Variants in ZSCAN32 observed in about 807,000 individuals in gnomAD.
The protein encoded by ZSCAN32 is zinc finger and SCAN domain containing 32.
In ZSCAN32, 52 loss-of-function variants were observed where a neutral mutation model predicts 47.4. The observed-to-expected ratio is 1.10, with a 90% CI of 0.88 to 1.38. The LOEUF (loss-of-function observed/expected upper bound fraction) is 1.38, where lower values mean the gene tolerates loss of function less well. Ranked by LOEUF, ZSCAN32 falls within the 40% of genes most tolerant of loss-of-function variation. The probability of loss-of-function intolerance (pLI) is 0.00; values close to 1 mark genes in which losing one functional copy is unlikely to be tolerated. For synonymous variants in ZSCAN32, 346 were observed against 305.7 expected (o/e 1.13, Z -1.38); for missense variants, 959 against 846.0 (o/e 1.13, Z -1.66).
intron 2 of ZSCAN32, among the ~76,000 whole-genome samples, chr16:3,395,191 G>A (rs913744468): frequency 6.6e-6 from 1 of 152,126 alleles, no homozygotes; most frequent in African/African-American, 2.4e-5. Context: ...CACCCTTAAA[G>A]GGAATGAAGA....
chr16:3,399,833 T>G (rs2033721483), intron 1 of ZSCAN32, among the ~76,000 whole-genome samples: 1 of 152,256 alleles, frequency 6.6e-6, no homozygotes, highest in African/African-American at 2.4e-5. Flanking sequence ...CTCAAACTCC[T>G]GTGCTCAAGT....
In ZSCAN32 at chr16:3,383,379, A is replaced by G. The variant is rs773838763; in HGVS notation, c.1567T>C (p.Cys523Arg). The change falls in exon 7 of 7, where the codon TGT (cysteine) becomes CGT (arginine). Residue 523 changes from cysteine (C) to arginine (R), a missense_variant. Transcript: ENST00000396852. The stretch of plus-strand genomic sequence containing the variant: ...CTAAAGGTTTTCCCACATTCAGGAC[A>G]TTGAGATACTTTTTCCAGTTTGAGC... Reference protein sequence around the residue: ...PALKLEKVSQCPECGKTFSRS... With the variant: ...PALKLEKVSQRPECGKTFSRS... The G allele has an allele frequency of 4.3e-6, 7 of 1,614,224 alleles. No homozygotes were observed. The highest frequency in any genetic ancestry group is 5.9e-6 in the Non-Finnish European group (7 of 1,180,050).
Position 3,382,629 on chromosome 16 carries a change from C to A in ZSCAN32, c.*223G>T. On this transcript the variant is annotated 3_prime_UTR_variant, in exon 7 of 7. Transcript: ENST00000396852. ...GAATTTATGGATCCTACAGCTTTCTCTCCATCAAACTTTAAGTCACAGTAA... is the reference window on the plus strand; with the variant it reads ...GAATTTATGGATCCTACAGCTTTCTATCCATCAAACTTTAAGTCACAGTAA... The A allele has an allele frequency of 2.1e-6, 1 of 483,058 alleles. No individual in the cohort carries two copies. Among genetic ancestry groups the A allele is most frequent in the Non-Finnish European group, 3.4e-6 (1 of 296,864 alleles). 29.9% of individuals were successfully genotyped at this position (483,058 alleles called of 1,614,324 possible).
At chr16:3,395,210 G>A (rs2033254983) in intron 2 of ZSCAN32, among the ~76,000 whole-genome samples, 1 of 152,188 alleles carries the variant, frequency 6.6e-6, no homozygotes, top group African/African-American at 2.4e-5. Context: ...GAGAGGTACT[G>A]AGAGGCAAGT....
At position 3,397,471 on chromosome 16, in the gene ZSCAN32, G is replaced by A. The variant is rs1434411532; in HGVS notation, c.87C>T (p.Asn29=). The change falls in exon 2 of 7, where the codon AAC becomes AAT. Residue 29 remains asparagine (N), a synonymous_variant. Transcript: ENST00000396852. ...TQGQKSALQG[N]SPDSEASRQR... ...GACGGGAGGCCTCGGAGTCAGGGCT[G>A]TTACCCTGGAGGGCTGATTTCTGGC... 2.6e-6 allele frequency: 4 copies of A among 1,550,612 alleles called. No homozygotes were observed. The highest frequency in any genetic ancestry group is 1.7e-4 in the Middle Eastern group (1 of 6,014).
intron 2 of ZSCAN32, among the ~76,000 whole-genome samples, chr16:3,395,913 G>A (rs1254048178): frequency 1.3e-5 from 2 of 152,180 alleles, no homozygotes; most frequent in Non-Finnish European, 2.9e-5. Context: ...CAAGAGGATC[G>A]CTTGAACCCA....
intron 3 of ZSCAN32, among the ~76,000 whole-genome samples, chr16:3,391,055 A>C (rs1198100745): frequency 3.3e-5 from 5 of 152,220 alleles, no homozygotes; most frequent in Non-Finnish European, 7.3e-5. Flanking sequence ...ACATCGCTTA[A>C]AAATACAGGA....
In ZSCAN32 at chr16:3,390,524, G is replaced by A. The variant is rs1250425693; in HGVS notation, c.533-7C>T. The A allele has an allele frequency of 1.9e-6, 3 of 1,547,518 alleles. No individual in the cohort carries two copies. The highest frequency in any genetic ancestry group is 2.4e-5 in the East Asian group (1 of 40,900). On this transcript the variant is annotated splice_region_variant and splice_polypyrimidine_tract_variant and intron_variant, in intron 3 of 6. Coordinates refer to ENST00000396852, the MANE Select transcript of ZSCAN32 (RefSeq NM_001284527.2). ...GCCTGAGGAGCAAGCCAGGCTGGGG[G>A]AAAAAACAGCCGCTATTAGAGGGCG... is the stretch of plus-strand genomic sequence containing the variant.
In ZSCAN32 at chr16:3,393,743, T is replaced by C; in HGVS notation, c.438A>G (p.Ser146=). 6.4e-7 allele frequency: 1 copy of C among 1,550,472 alleles called. No homozygotes were observed. The highest frequency in any genetic ancestry group is 1.2e-5 in the South Asian group (1 of 84,054). The change falls in exon 3 of 7, where the codon TCA becomes TCG. Residue 146 remains serine, a synonymous_variant. Coordinates refer to ENST00000396852, the MANE Select transcript of ZSCAN32 (RefSeq NM_001284527.2). The stretch of plus-strand genomic sequence containing the variant: ...CCTCCTGTTTCCATTGGGATCTCAG[T>C]GATTCTCTGGTTGCTCCCAAAGGGG... ...EMAPLGATRE[S]LRSQWKQEVQ... is the part of the protein sequence containing the mutation.
intron 3 of ZSCAN32, among the ~76,000 whole-genome samples, chr16:3,392,375 A>AT (rs34506287): frequency 1.3e-3 from 170 of 129,384 alleles, no homozygotes; most frequent in African/African-American, 3.3e-3. Flanking sequence ...AATTAAAACA[A>AT]TTTTTTTTTT....
chr16:3,396,853 C>G (rs1420097986), intron 2 of ZSCAN32, among the ~76,000 whole-genome samples: 1 of 152,214 alleles, frequency 6.6e-6, no homozygotes, highest in African/African-American at 2.4e-5. Flanking sequence ...TAGCATGAAA[C>G]TAGATTTTCA....
intron 2 of ZSCAN32, among the ~76,000 whole-genome samples, chr16:3,395,337 C>A (rs1158612786): frequency 1.3e-5 from 2 of 152,210 alleles, no homozygotes; most frequent in Non-Finnish European, 2.9e-5. Context: ...CAAATCTCAT[C>A]TTCAGTTGTA....
At chr16:3,395,427 C>G (rs35175748) in intron 2 of ZSCAN32, among the ~76,000 whole-genome samples, 68,311 of 152,002 alleles carry the variant, frequency 0.45, 17,250 homozygotes, top group East Asian at 0.63. Flanking sequence ...CCATGCTACT[C>G]TAGTGATAGT....
intron 2 of ZSCAN32, among the ~76,000 whole-genome samples, chr16:3,394,490 C>T (rs1194861250): frequency 6.6e-6 from 1 of 152,148 alleles, no homozygotes; most frequent in Non-Finnish European, 1.5e-5. Context: ...CATTGGTCCT[C>T]TCTCTTCACC....
chr16:3,392,519 A>AT (rs978086820), intron 3 of ZSCAN32, among the ~76,000 whole-genome samples: 4 of 151,800 alleles, frequency 2.6e-5, no homozygotes, highest in Non-Finnish European at 5.9e-5. Flanking sequence ...AGCCAAGATA[A>AT]TTTTTTTAGT....
chr16:3,384,501 C>T lies in ZSCAN32; in HGVS notation c.1192G>A (p.Val398Ile). The T allele has an allele frequency of 1.2e-6, 2 of 1,614,170 alleles. No individual in the cohort carries two copies. Among genetic ancestry groups the T allele is most frequent in the Non-Finnish European group, 1.7e-6 (2 of 1,180,028 alleles). ...AGCACTGGCAGGTCTAGTTTCCTGACTTCCTGGCCAGGATTCCTGAAGTCC... is the reference window on the plus strand; with the variant it reads ...AGCACTGGCAGGTCTAGTTTCCTGATTTCCTGGCCAGGATTCCTGAAGTCC... The part of the protein sequence containing the change: ...EKDFRNPGQE[V>I]RKLDLPVLFP... Residue 398 changes from valine (V) to isoleucine (I), a missense_variant, in exon 6 of 7, where the codon GTC becomes ATC. By Grantham distance (29) the Val-to-Ile change is conservative. Transcript: ENST00000396852.
At chr16:3,391,144 G>A (rs1275529146) in intron 3 of ZSCAN32, among the ~76,000 whole-genome samples, 2 of 152,190 alleles carry the variant, frequency 1.3e-5, no homozygotes, top group South Asian at 4.1e-4. Context: ...TCAGAGGTAT[G>A]TGACCCTTCG....
rs1939814308 is a variant in ZSCAN32, at chr16:3,384,513, G to A, written c.1180C>T (p.Pro394Ser). 1 of 1,614,112 alleles carries A rather than the reference G, an allele frequency of 6.2e-7. No homozygotes were observed. The highest frequency in any genetic ancestry group is 8.5e-7 in the Non-Finnish European group (1 of 1,180,038). Residue 394 changes from proline (P) to serine (S), a missense_variant, in exon 6 of 7, where the codon CCT becomes TCT. Pro to Ser is a moderately conservative substitution (Grantham distance 74, BLOSUM62 -1). Coordinates refer to ENST00000396852, the MANE Select transcript of ZSCAN32 (RefSeq NM_001284527.2). The part of the protein sequence containing the change: ...ADRDEKDFRN[P>S]GQEVRKLDLP... Reference sequence around the variant, plus strand: ...TCTAGTTTCCTGACTTCCTGGCCAGGATTCCTGAAGTCCTTTTCATCCCTG... The same window carrying A: ...TCTAGTTTCCTGACTTCCTGGCCAGAATTCCTGAAGTCCTTTTCATCCCTG...
chr16:3,393,244 T>TATATA (rs2033018031), intron 3 of ZSCAN32, among the ~76,000 whole-genome samples: 1 of 17,368 alleles, frequency 5.8e-5, no homozygotes, highest in African/African-American at 4.2e-4. Flanking sequence ...ATATATTTTA[T>TATATA]ATATATATAT....
Sources: allele counts gnomAD v4.1 joint callset (sites outside exome capture counted in the v4.1 genomes callset), GRCh38; gene constraint gnomAD v4.1.1; transcripts MANE v1.5; gene names NCBI Gene and HGNC (gene_info 2026-07-23, HGNC 2026-07-21).